Variants in SLC9A2 observed in about 807,000 individuals in gnomAD.
SLC9A2 encodes the protein sodium/hydrogen exchanger 2.
SLC9A2 carries 42 observed loss-of-function variants against 71.7 expected under a neutral mutation model. The observed-to-expected ratio is 0.59, with a 90% CI of 0.46 to 0.76. The LOEUF is 0.76. Among genes scored for constraint, SLC9A2 ranks in the 30% least tolerant of loss-of-function variants. The pLI, the probability that SLC9A2 is intolerant of heterozygous loss-of-function variation, is 0.00. For missense variants in SLC9A2, 829 were observed against 1,017.4 expected (o/e 0.81, Z 2.52); for synonymous variants, 396 against 392.5 (o/e 1.01, Z -0.10).
intron 7 of SLC9A2, among the ~76,000 whole-genome samples, chr2:102,700,066 T>C (rs1025013971): frequency 2.6e-5 from 4 of 152,112 alleles, no homozygotes; most frequent in African/African-American, 9.7e-5. Flanking sequence ...GCCCATAACA[T>C]AGAACATGAG....
At chr2:102,657,098 G>A (rs371846881) in intron 1 of SLC9A2, among the ~76,000 whole-genome samples, 32 of 151,942 alleles carry the variant, frequency 2.1e-4, no homozygotes, top group African/African-American at 7.0e-4. Flanking sequence ...CCAGCTATTC[G>A]GGAGGCTGAG....
chr2:102,623,705 C>A (rs974625441), intron 1 of SLC9A2, among the ~76,000 whole-genome samples: 1 of 152,252 alleles, frequency 6.6e-6, no homozygotes, highest in South Asian at 2.1e-4. Context: ...CTAACCCCTG[C>A]AAAATGCCAT....
chr2:102,680,574 A>G (rs1233380074), intron 3 of SLC9A2, among the ~76,000 whole-genome samples: 1 of 152,118 alleles, frequency 6.6e-6, no homozygotes, highest in Non-Finnish European at 1.5e-5. Context: ...GCATGCAAGC[A>G]GCAGAGGCCA....
At chr2:102,663,130 G>T (rs982333183) in intron 2 of SLC9A2, among the ~76,000 whole-genome samples, 3 of 152,208 alleles carry the variant, frequency 2.0e-5, no homozygotes, top group African/African-American at 7.2e-5. Context: ...CTGACAGCAG[G>T]TTCAAAGTGG....
chr2:102,664,424 A>G (rs570701923), intron 2 of SLC9A2, among the ~76,000 whole-genome samples: 49 of 150,644 alleles, frequency 3.3e-4, no homozygotes, highest in Admixed American at 5.4e-4. Context: ...TTTACAAAAT[A>G]TGTATGAAGT....
intron 1 of SLC9A2, among the ~76,000 whole-genome samples, chr2:102,646,623 G>A (rs569309150): frequency 5.3e-5 from 8 of 151,688 alleles, no homozygotes; most frequent in African/African-American, 1.9e-4. Context: ...CAAAGCAAAT[G>A]GAAAACAAAC....
chr2:102,628,287 T>C (rs1676288667), intron 1 of SLC9A2, among the ~76,000 whole-genome samples: 1 of 152,272 alleles, frequency 6.6e-6, no homozygotes, highest in Non-Finnish European at 1.5e-5. Flanking sequence ...TGCTGTTAAG[T>C]AGGAAACCAT....
chr2:102,634,070 G>A (rs1416251978), intron 1 of SLC9A2, among the ~76,000 whole-genome samples: 1 of 152,132 alleles, frequency 6.6e-6, no homozygotes, highest in African/African-American at 2.4e-5. Context: ...AGTAATTACT[G>A]AGTAAATGAG....
chr2:102,702,357 T>A, intron 8 of SLC9A2, 49 bp from the exon 9 acceptor site: 1 of 1,015,188 alleles, frequency 9.9e-7, no homozygotes. Flanking sequence ...AAATCAATGA[T>A]TCTAATATTT....
chr2:102,694,585 C>A, intron 6 of SLC9A2, 82 bp downstream of exon 6: 1 of 611,114 alleles, frequency 1.6e-6, no homozygotes, highest in East Asian at 3.1e-5. Context: ...CCACGTTGTC[C>A]ATTTCCTGAA....
Position 102,704,694 on chromosome 2 carries a change from C to A in SLC9A2, c.1977+19C>A. Reference sequence around the variant, plus strand: ...ACACAGGGTAACTGAGTGTGCGCCTCTAGGAGACTTCCAGGGGTGGAGCCG... The same window carrying A: ...ACACAGGGTAACTGAGTGTGCGCCTATAGGAGACTTCCAGGGGTGGAGCCG... On this transcript the variant is annotated intron_variant, in intron 10 of 11. Coordinates refer to ENST00000233969, the MANE Select transcript of SLC9A2 (RefSeq NM_003048.6). 1.2e-6 allele frequency: 2 copies of A among 1,605,420 alleles called. No individual in the cohort carries two copies. The highest frequency in any genetic ancestry group is 1.7e-6 in the Non-Finnish European group (2 of 1,174,314).
At chr2:102,704,838 G>A (rs572746518) in intron 10 of SLC9A2, among the ~76,000 whole-genome samples, 163 bp downstream of exon 10, 1 of 152,286 alleles carries the variant, frequency 6.6e-6, no homozygotes, top group South Asian at 2.1e-4. Context: ...GTGTTCACAG[G>A]TATTGTGGCC....
intron 1 of SLC9A2, among the ~76,000 whole-genome samples, chr2:102,643,959 G>A (rs1192579615): frequency 6.7e-6 from 1 of 150,190 alleles, no homozygotes; most frequent in East Asian, 2.0e-4. Flanking sequence ...AGGTATACCT[G>A]TCTCCTAACT....
At chr2:102,687,399 G>A (rs1677567913) in intron 5 of SLC9A2, among the ~76,000 whole-genome samples, 1 of 152,178 alleles carries the variant, frequency 6.6e-6, no homozygotes, top group African/African-American at 2.4e-5. Flanking sequence ...AGTGAAGGAA[G>A]CCTGGAGGGA....
At chr2:102,641,248 C>T (rs568212545) in intron 1 of SLC9A2, among the ~76,000 whole-genome samples, 19 of 152,172 alleles carry the variant, frequency 1.2e-4, no homozygotes, top group Admixed American at 2.0e-4. Flanking sequence ...CCACACAGAG[C>T]TCAGGCACAG....
intron 2 of SLC9A2, among the ~76,000 whole-genome samples, chr2:102,663,998 G>A (rs530746404): frequency 6.6e-6 from 1 of 152,296 alleles, no homozygotes; most frequent in South Asian, 2.1e-4. Context: ...ACAACAGGCT[G>A]GGCGTGGTGG....
chr2:102,632,023 TATATATATATATATAC>T (rs1218264801), intron 1 of SLC9A2, among the ~76,000 whole-genome samples: 940 of 78,408 alleles, frequency 0.012, 69 homozygotes, highest in African/African-American at 0.036. Context: ...TATATATATA[TATATATATATATATAC>T]ATACACACAC....
At chr2:102,695,780 ATATATATATT>A (rs1677746414) in intron 7 of SLC9A2, among the ~76,000 whole-genome samples, 1 of 14,590 alleles carries the variant, frequency 6.9e-5, no homozygotes, top group East Asian at 4.2e-3. Flanking sequence ...AATATATATT[ATATATATATT>A]ATATATATAT....
intron 1 of SLC9A2, among the ~76,000 whole-genome samples, chr2:102,637,523 G>A (rs1344014574): frequency 6.6e-6 from 1 of 152,160 alleles, no homozygotes; most frequent in Admixed American, 6.5e-5. Flanking sequence ...AGGTGACCAG[G>A]GCATGAGTCA....
Sources: gnomAD v4.1 joint callset for allele counts (sites outside exome capture counted in the v4.1 genomes callset) on GRCh38, gnomAD v4.1.1 for gene constraint, MANE v1.5 for transcripts, NCBI Gene and HGNC (gene_info 2026-07-23, HGNC 2026-07-21) for gene names.